The following STK32B variants were observed in gnomAD, a reference collection of about 807,000 sequenced individuals.
STK32B encodes the protein serine/threonine-protein kinase 32B.
Under a neutral mutation model 52.6 loss-of-function variants are expected in STK32B, and 43 were observed. That is an observed-to-expected ratio of 0.82 (90% CI 0.64 to 1.05). The LOEUF (loss-of-function observed/expected upper bound fraction) is 1.05, where lower values mean the gene tolerates loss of function less well. STK32B is among the 50% of genes least tolerant of loss of function. The probability of loss-of-function intolerance (pLI) is 0.00; values close to 1 mark genes in which losing one functional copy is unlikely to be tolerated. For missense variants in STK32B, 621 were observed against 534.6 expected (o/e 1.16, Z -1.59); for synonymous variants, 238 against 204.3 (o/e 1.17, Z -1.41).
At chr4:5,266,489 C>T (rs1408670484) in intron 3 of STK32B, among the ~76,000 whole-genome samples, 1 of 152,180 alleles carries the variant, frequency 6.6e-6, no homozygotes, top group East Asian at 1.9e-4. Flanking sequence ...TAATTAAATT[C>T]ACACATGGGA....
intron 3 of STK32B, among the ~76,000 whole-genome samples, chr4:5,291,333 A>G (rs911544865): frequency 2.0e-5 from 3 of 152,044 alleles, no homozygotes; most frequent in Admixed American, 6.6e-5. Context: ...TAATTTTTTC[A>G]ATGATGTTTT....
chr4:5,065,414 G>A (rs562208094), intron 1 of STK32B, among the ~76,000 whole-genome samples: 1 of 152,164 alleles, frequency 6.6e-6, no homozygotes, highest in Non-Finnish European at 1.5e-5. Flanking sequence ...AGGCATTGTT[G>A]CCACAATAGG....
intron 3 of STK32B, among the ~76,000 whole-genome samples, chr4:5,250,473 T>A (rs28882123): frequency 2.6e-5 from 4 of 152,046 alleles, no homozygotes; most frequent in African/African-American, 9.6e-5. Flanking sequence ...TCACTACGCT[T>A]GGCTAATTTT....
chr4:5,079,737 T>G (rs6824719), intron 1 of STK32B, among the ~76,000 whole-genome samples: 74,389 of 151,942 alleles, frequency 0.49, 20,092 homozygotes, highest in East Asian at 0.81. Flanking sequence ...TGACCCCTAC[T>G]GTTCCCAGCT....
At chr4:5,221,444 T>C (rs1400929006) in intron 3 of STK32B, among the ~76,000 whole-genome samples, 1 of 152,124 alleles carries the variant, frequency 6.6e-6, no homozygotes, top group Non-Finnish European at 1.5e-5. Context: ...CTTGGAATGA[T>C]TTTACTGTTT....
chr4:5,213,721 A>C (rs1382583488), intron 3 of STK32B, among the ~76,000 whole-genome samples: 1 of 152,134 alleles, frequency 6.6e-6, no homozygotes, highest in African/African-American at 2.4e-5. Context: ...CCTCCCACCT[A>C]TACTTAAGCT....
intron 4 of STK32B, among the ~76,000 whole-genome samples, chr4:5,338,574 C>A (rs1314806698): frequency 6.6e-6 from 1 of 151,338 alleles, no homozygotes; most frequent in African/African-American, 2.4e-5. Context: ...CCCTGAGACA[C>A]TAAGTCATGT....
At chr4:5,311,352 C>A (rs1730276574) in intron 3 of STK32B, among the ~76,000 whole-genome samples, 1 of 151,978 alleles carries the variant, frequency 6.6e-6, no homozygotes, top group African/African-American at 2.4e-5. Flanking sequence ...TAAATACGTA[C>A]AATTACTGTG....
rs979508396 is a variant in STK32B, at chr4:5,096,558, G to A, written c.53-43347G>A. Among the ~76,000 whole-genome samples the A allele has an allele frequency of 3.9e-5, 6 of 152,148 alleles. No individual in the cohort carries two copies. In the East Asian group the frequency reaches 7.7e-4, roughly 20 times the overall value. On this transcript the variant is annotated intron_variant, in intron 1 of 11. Transcript: ENST00000282908. The stretch of plus-strand genomic sequence containing the variant: ...CTCCCACCCTGGATCTGTTGGAAGG[G>A]CTACATTATTTCTAGATCTTCACTT...
At chr4:5,116,476 A>G (rs762790892) in intron 1 of STK32B, among the ~76,000 whole-genome samples, 21 of 152,178 alleles carry the variant, frequency 1.4e-4, no homozygotes, top group Admixed American at 2.6e-4. Flanking sequence ...TATATCTATC[A>G]ACTCATATAC....
intron 1 of STK32B, among the ~76,000 whole-genome samples, chr4:5,099,366 G>A (rs1713573800): frequency 6.6e-6 from 1 of 152,094 alleles, no homozygotes; most frequent in Non-Finnish European, 1.5e-5. Flanking sequence ...CCACCATAGA[G>A]AGATTCTGCT....
rs1356362532 is a variant in STK32B, at chr4:5,396,110, C to A, written c.435-2097C>A. On this transcript the variant is annotated intron_variant, in intron 4 of 11. Coordinates refer to ENST00000282908, the MANE Select transcript of STK32B (RefSeq NM_018401.3). The surrounding 1 kb of genome is among the most constrained non-coding windows in gnomAD (Gnocchi z 4.7). ...CGGGGACTGCCACAGCAAATTACTG[C>A]AAAATCGGTGGCTTAAAACAATACA... Among the ~76,000 whole-genome samples the A allele has an allele frequency of 6.6e-6, 1 of 152,216 alleles. No homozygotes were observed. Among genetic ancestry groups the A allele is most frequent in the African/African-American group, 2.4e-5 (1 of 41,458 alleles).
intron 11 of STK32B, among the ~76,000 whole-genome samples, chr4:5,471,070 G>A (rs912507810): frequency 1.3e-5 from 2 of 152,198 alleles, no homozygotes; most frequent in African/African-American, 4.8e-5. Flanking sequence ...CAGGATCCCT[G>A]CACAGTGGGG....
chr4:5,135,213 C>T (rs1195140155), intron 1 of STK32B, among the ~76,000 whole-genome samples: 3 of 152,164 alleles, frequency 2.0e-5, no homozygotes, highest in African/African-American at 7.2e-5. Context: ...AATGCTTAAC[C>T]TTTATTAATT....
At chr4:5,122,961 C>T (rs1007005801) in intron 1 of STK32B, among the ~76,000 whole-genome samples, 5 of 152,148 alleles carry the variant, frequency 3.3e-5, no homozygotes, top group African/African-American at 1.2e-4. Flanking sequence ...TTTGCTCCAC[C>T]TGCACCAGCT....
intron 4 of STK32B, among the ~76,000 whole-genome samples, chr4:5,336,527 G>T (rs73211141): frequency 0.13 from 20,273 of 151,906 alleles, 1,789 homozygotes; most frequent in Non-Finnish European, 0.19. Flanking sequence ...GATAAAAGAA[G>T]AATTTTGCAT....
chr4:5,032,476 C>CAAAAAAAA, the STK32B span, among the ~76,000 whole-genome samples: 148 of 49,558 alleles, frequency 3.0e-3, no homozygotes, highest in Non-Finnish European at 3.3e-3. Flanking sequence ...GACTCCATCT[C>CAAAAAAAA]AAAAAAAAAA....
intron 9 of STK32B, among the ~76,000 whole-genome samples, chr4:5,461,298 A>T (rs892149284): frequency 6.6e-6 from 1 of 152,142 alleles, no homozygotes; most frequent in Non-Finnish European, 1.5e-5. Context: ...TATTATGTGA[A>T]TGGAGGTGGA....
chr4:5,485,377 A>C (rs1463041966), intron 11 of STK32B, among the ~76,000 whole-genome samples: 1 of 152,144 alleles, frequency 6.6e-6, no homozygotes, highest in Middle Eastern at 3.2e-3. Flanking sequence ...CAGTTGATCG[A>C]ATCGGCTACT....
Sources: allele counts gnomAD v4.1 joint callset (sites outside exome capture counted in the v4.1 genomes callset), GRCh38; gene constraint gnomAD v4.1.1; non-coding constraint Gnocchi (gnomAD v3.1); transcripts MANE v1.5; gene names NCBI Gene and HGNC (gene_info 2026-07-23, HGNC 2026-07-21).